IGF1R: variants seen among roughly 807,000 people sequenced by gnomAD.
IGF1R encodes insulin-like growth factor 1 receptor.
Under a neutral mutation model 144.6 loss-of-function variants are expected in IGF1R, and 44 were observed. That is an observed-to-expected ratio of 0.30 (90% CI 0.24 to 0.39). The LOEUF is 0.39. Among genes scored for constraint, IGF1R ranks in the 10% least tolerant of loss-of-function variants. IGF1R has a pLI of 1.00. For missense variants in IGF1R, 1,355 were observed against 1,833.7 expected, an observed-to-expected ratio of 0.74 and a Z score of 4.77; for synonymous variants, 795 against 722.8, an observed-to-expected ratio of 1.10 and a Z score of -1.60.
rs2014225617 is a variant in IGF1R at position 98,896,883 on chromosome 15, G to A, written c.1080G>A (p.Leu360=). 5 of 1,614,092 alleles carry A rather than the reference G, an allele frequency of 3.1e-6. No individual in the cohort carries two copies. The highest frequency in any genetic ancestry group is 4.2e-6 in the Non-Finnish European group (5 of 1,180,012). The change falls in exon 4 of 21, where the codon TTG becomes TTA. Residue 360 remains leucine (L), a synonymous_variant. Transcript: ENST00000650285. ...GATGCACCATCTTCAAGGGCAATTT[G>A]CTCATTAACATCCGACGGGGGAGTA... ...LQGCTIFKGN[L]LINIRRGNNI...
intron 2 of IGF1R, among the ~76,000 whole-genome samples, chr15:98,877,014 G>A (rs889662955): frequency 2.0e-5 from 3 of 152,190 alleles, no homozygotes; most frequent in Admixed American, 6.5e-5. Flanking sequence ...ATGTTTACAA[G>A]TCCAAAAGTG....
At chr15:98,854,728 A>G (rs1596362580) in intron 2 of IGF1R, among the ~76,000 whole-genome samples, 1 of 152,176 alleles carries the variant, frequency 6.6e-6, no homozygotes, top group Admixed American at 6.5e-5. Context: ...TCCTGTTCAG[A>G]TAAGTCGGGG....
intron 1 of IGF1R, among the ~76,000 whole-genome samples, chr15:98,662,181 A>G (rs530586656): frequency 1.3e-5 from 2 of 150,954 alleles, no homozygotes; most frequent in African/African-American, 4.9e-5. Flanking sequence ...GGGTTTAGGC[A>G]TGTTGGTCAG....
rs146270070 is a variant in IGF1R at position 98,650,980 on chromosome 15, A to G, written c.94+1305A>G. 2.4e-5 allele frequency: 24 copies of G among 985,230 alleles called. No individual in the cohort carries two copies. The East Asian group carries it at 1.7e-3, about 70-fold the overall frequency. 61.0% of individuals were successfully genotyped at this position (985,230 alleles called of 1,614,324 possible). ...GGGTTTTATTCTTCTGAAAAAGTTG[A>G]AAGTGTGGCTTACTGGTACATTCAA... is the stretch of plus-strand genomic sequence containing the variant. On this transcript the variant is annotated intron_variant, in intron 1 of 20. Transcript: ENST00000650285.
At chr15:98,652,186 C>T (rs762046777) in intron 1 of IGF1R, among the ~76,000 whole-genome samples, 29 of 152,318 alleles carry the variant, frequency 1.9e-4, no homozygotes, top group Admixed American at 2.6e-4. Context: ...TTTGTATCAC[C>T]ATAATGTGAA....
intron 2 of IGF1R, among the ~76,000 whole-genome samples, chr15:98,713,229 T>C (rs533955863): frequency 1.3e-5 from 2 of 152,202 alleles, no homozygotes; most frequent in South Asian, 4.2e-4. Flanking sequence ...TGCCCCACTG[T>C]AAATTCTGGG....
At chr15:98,877,489 CTTTTTTTTTTTT>C (rs5814908) in intron 2 of IGF1R, among the ~76,000 whole-genome samples, 2 of 85,588 alleles carry the variant, frequency 2.3e-5, no homozygotes, top group African/African-American at 4.8e-5. Flanking sequence ...CACTAGCAGC[CTTTTTTTTTTTT>C]TTTTTTTTTT....
intron 17 of IGF1R, among the ~76,000 whole-genome samples, chr15:98,936,140 G>A (rs2016139139): frequency 6.6e-6 from 1 of 152,186 alleles, no homozygotes; most frequent in Admixed American, 6.5e-5. Context: ...TGGGAATCTG[G>A]TTTCCTCAGA....
chr15:98,923,830 C>A, intron 11 of IGF1R, 46 bp from the exon 12 acceptor site: 1 of 1,581,576 alleles, frequency 6.3e-7, no homozygotes, highest in East Asian at 2.2e-5. Context: ...TGGCCTCCCT[C>A]CCTGGGAACC....
chr15:98,672,827 G>C (rs996549735), intron 1 of IGF1R, among the ~76,000 whole-genome samples: 1 of 152,028 alleles, frequency 6.6e-6, no homozygotes, highest in African/African-American at 2.4e-5. Flanking sequence ...CGGGTACCTG[G>C]AAAGTTGAAG....
At chr15:98,899,770 T>C (rs2014386187) in intron 5 of IGF1R, 149 bp downstream of exon 5, 11 of 785,042 alleles carry the variant, frequency 1.4e-5, no homozygotes, top group Non-Finnish European at 2.0e-5. Context: ...CTCGAGTAGG[T>C]CTTGGGTGGA....
At chr15:98,868,379 G>GC (rs1359439488) in intron 2 of IGF1R, among the ~76,000 whole-genome samples, 2 of 137,718 alleles carry the variant, frequency 1.5e-5, no homozygotes. Flanking sequence ...TTGGGGGGGG[G>GC]GTCCTTTAGA....
chr15:98,726,992 A>T (rs1333938045), intron 2 of IGF1R, among the ~76,000 whole-genome samples: 1 of 152,122 alleles, frequency 6.6e-6, no homozygotes, highest in East Asian at 1.9e-4. Flanking sequence ...AAGTGCTGGG[A>T]TTCTAGGTGT....
chr15:98,841,345 A>G (rs1440978538), intron 2 of IGF1R, among the ~76,000 whole-genome samples: 7 of 152,172 alleles, frequency 4.6e-5, no homozygotes, highest in South Asian at 2.1e-4. Context: ...TAACCTCTCT[A>G]TGCCTCAATG....
In IGF1R at chr15:98,871,951, G is replaced by A. The variant is rs564766917; in HGVS notation, c.641-19374G>A. On this transcript the variant is annotated intron_variant, in intron 2 of 20. Coordinates refer to ENST00000650285, the MANE Select transcript of IGF1R (RefSeq NM_000875.5). The stretch of plus-strand genomic sequence containing the variant: ...GAAGAGCCAAGTAAAGTCATTGGAA[G>A]CATGGGAAACTTTTTTCCCTGTCTA... Among the ~76,000 whole-genome samples the A allele has an allele frequency of 7.4e-4, 113 of 152,336 alleles. 3 individuals are homozygous for A. In the South Asian group the frequency reaches 0.02, roughly 27 times the overall value.
chr15:98,865,589 T>G (rs1281871396), intron 2 of IGF1R, among the ~76,000 whole-genome samples: 1 of 152,234 alleles, frequency 6.6e-6, no homozygotes, highest in African/African-American at 2.4e-5. Context: ...CGTGGCTTTG[T>G]GGTTTGGGAA....
At chr15:98,771,892 T>TC (rs1262177686) in intron 2 of IGF1R, among the ~76,000 whole-genome samples, 1 of 151,688 alleles carries the variant, frequency 6.6e-6, no homozygotes, top group Non-Finnish European at 1.5e-5. Flanking sequence ...CCTCCTTCCT[T>TC]CTTCTCCACT....
chr15:98,878,164 C>A (rs1333441260), intron 2 of IGF1R, among the ~76,000 whole-genome samples: 1 of 152,228 alleles, frequency 6.6e-6, no homozygotes, highest in East Asian at 1.9e-4. Context: ...TTAGGAGATG[C>A]AGCCAAAACG....
chr15:98,797,103 C>T (rs148941899), intron 2 of IGF1R, among the ~76,000 whole-genome samples: 9 of 152,334 alleles, frequency 5.9e-5, no homozygotes, highest in Non-Finnish European at 1.2e-4. Flanking sequence ...CACAGAGTTA[C>T]ATTTCGTTGT....
Sources: gnomAD v4.1 joint callset for allele counts (sites outside exome capture counted in the v4.1 genomes callset) on GRCh38, gnomAD v4.1.1 for gene constraint, MANE v1.5 for transcripts, NCBI Gene and HGNC (gene_info 2026-07-23, HGNC 2026-07-21) for gene names.